The following FMN1 variants were observed in gnomAD, a reference collection of about 807,000 sequenced individuals.
The protein encoded by FMN1 is formin-1.
A neutral mutation model predicts 132.4 loss-of-function variants in FMN1; 110 were observed. The observed-to-expected ratio is 0.83, with a 90% CI of 0.71 to 0.97. The LOEUF is 0.97. Ranked by LOEUF, FMN1 falls within the 50% of genes least tolerant of loss-of-function variation. The probability of loss-of-function intolerance (pLI) is 0.00; values close to 1 mark genes in which losing one functional copy is unlikely to be tolerated. For synonymous variants in FMN1, 722 were observed against 651.7 expected (o/e 1.11, Z -1.64); for missense variants, 1,792 against 1,705.3 (o/e 1.05, Z -0.90).
chr15:33,129,690 A>G (rs777157843), intron 4 of FMN1, among the ~76,000 whole-genome samples: 5 of 152,086 alleles, frequency 3.3e-5, no homozygotes, highest in Non-Finnish European at 5.9e-5. Context: ...GAGCCAAGAT[A>G]TGGACCCAGG....
chr15:32,777,775 T>C (rs866436248), intron 19 of FMN1, among the ~76,000 whole-genome samples: 1 of 132,244 alleles, frequency 7.6e-6, no homozygotes, highest in African/African-American at 2.9e-5. Context: ...TTATATACTA[T>C]GTATAATACA....
rs1491354596 is a variant in FMN1, at chr15:32,785,219, T to TATA, written c.4131-8301_4131-8300insTAT. On this transcript the variant is annotated intron_variant, in intron 19 of 20. Coordinates refer to ENST00000616417, the MANE Select transcript of FMN1 (RefSeq NM_001277313.2). ...GTGTGTGTATATATATATATATATA[T>TATA]TTTTTTTTTTTTTTTTTTGTAGAGA... is the stretch of plus-strand genomic sequence containing the variant. Among the ~76,000 whole-genome samples, 78 of 12,188 alleles carry TATA rather than the reference T, an allele frequency of 6.4e-3. 3 individuals are homozygous for TATA. The highest frequency in any genetic ancestry group is 0.01 in the African/African-American group (47 of 4,622). The allele number at this position is 12,188 out of a possible 152,430, so 8.0% of individuals were successfully genotyped here. A position where few individuals can be genotyped will look rare whatever the true frequency, so the allele number is the denominator to read the frequency against.
At chr15:32,779,117 A>G (rs1010773191) in intron 19 of FMN1, among the ~76,000 whole-genome samples, 6 of 152,206 alleles carry the variant, frequency 3.9e-5, no homozygotes, top group Admixed American at 3.3e-4. Flanking sequence ...ATCCATACAG[A>G]AAGTAGGTTA....
At chr15:32,929,853 T>C (rs1400236560) in intron 9 of FMN1, among the ~76,000 whole-genome samples, 1 of 152,046 alleles carries the variant, frequency 6.6e-6, no homozygotes, top group Non-Finnish European at 1.5e-5. Flanking sequence ...GACATTTAGG[T>C]TGTCTCCATC....
At chr15:32,991,464 AG>A (rs2033429813) in intron 7 of FMN1, among the ~76,000 whole-genome samples, 2 of 152,172 alleles carry the variant, frequency 1.3e-5, no homozygotes, top group Non-Finnish European at 1.5e-5. Context: ...TGAAGGTAGG[AG>A]CCCCAAATTC....
chr15:32,807,179 T>C (rs894941185), intron 17 of FMN1, among the ~76,000 whole-genome samples: 1 of 152,238 alleles, frequency 6.6e-6, no homozygotes, highest in Admixed American at 6.5e-5. Context: ...CTAAAGAAGA[T>C]TGAGAGGCTA....
chr15:33,157,236 G>C (rs1048334381), intron 3 of FMN1, among the ~76,000 whole-genome samples: 17 of 145,032 alleles, frequency 1.2e-4, no homozygotes, highest in African/African-American at 4.4e-4. Flanking sequence ...CTGCACTCCA[G>C]CCTGGTGACA....
chr15:32,962,364 C>T lies in FMN1; in HGVS notation c.3138+1743G>A, dbSNP rs374858272. ...ATTCAAGATGGATTAAAGACTTAAA[C>T]GTTAGACCTAAAACCATAAAAACCC... is the stretch of plus-strand genomic sequence containing the variant. On this transcript the variant is annotated intron_variant, in intron 9 of 20. Transcript: ENST00000616417. Among the ~76,000 whole-genome samples the T allele has an allele frequency of 2.4e-3, 361 of 152,074 alleles. 3 individuals carry two copies. Among genetic ancestry groups the T allele is most frequent in the African/African-American group, 7.4e-3 (306 of 41,442 alleles).
intron 5 of FMN1, chr15:33,066,819 T>C (rs1479831819): frequency 6.2e-7 from 1 of 1,613,764 alleles, no homozygotes; most frequent in African/African-American, 1.3e-5. Flanking sequence ...TTCGGTTCAG[T>C]TTTGGGCATG....
At chr15:33,075,054 A>ACCTTGAG (rs1333848760) in intron 5 of FMN1, among the ~76,000 whole-genome samples, 1 of 145,392 alleles carries the variant, frequency 6.9e-6, no homozygotes, top group Non-Finnish European at 1.5e-5. Flanking sequence ...AAAAGAACAG[A>ACCTTGAG]CCTTGAGTCC....
At chr15:33,102,772 A>G (rs562539596) in intron 4 of FMN1, among the ~76,000 whole-genome samples, 16 of 152,134 alleles carry the variant, frequency 1.1e-4, no homozygotes, top group Admixed American at 3.9e-4. Flanking sequence ...ATTGACTGAC[A>G]TTGGTTTTAT....
intron 17 of FMN1, among the ~76,000 whole-genome samples, chr15:32,805,020 A>G (rs1322177200): frequency 6.6e-6 from 1 of 152,204 alleles, no homozygotes; most frequent in Non-Finnish European, 1.5e-5. Flanking sequence ...CTTTGGGTAT[A>G]TATCCAGTAA....
chr15:32,821,142 C>T (rs1474845494), intron 17 of FMN1, among the ~76,000 whole-genome samples: 1 of 135,498 alleles, frequency 7.4e-6, no homozygotes, highest in Non-Finnish European at 1.6e-5. Context: ...ATCAGATTTT[C>T]TAAGAGATAA....
chr15:33,081,916 C>A (rs1444361959), intron 5 of FMN1, among the ~76,000 whole-genome samples: 1 of 152,100 alleles, frequency 6.6e-6, no homozygotes, highest in Non-Finnish European at 1.5e-5. Flanking sequence ...GCTTTGTCTT[C>A]CCCAGACAAT....
In FMN1 at chr15:32,771,053, C is replaced by T. The variant is rs2056220414; in HGVS notation, c.*3257G>A. ...GAGATAAAAGCCATACAGCACACCT[C>T]CTAACCTGGTTTTTGATACTTCATG... is the stretch of plus-strand genomic sequence containing the variant. On this transcript the variant is annotated 3_prime_UTR_variant, in exon 21 of 21. Transcript: ENST00000616417. 1 of 151,458 alleles carries T rather than the reference C, an allele frequency of 6.6e-6. No individual in the cohort carries two copies. 9.4% of individuals were successfully genotyped at this position (151,458 alleles called of 1,614,324 possible). A position where few individuals can be genotyped will look rare whatever the true frequency, so the allele number is the denominator to read the frequency against.
chr15:33,173,873 G>A (rs916583920), intron 3 of FMN1, among the ~76,000 whole-genome samples: 1 of 152,108 alleles, frequency 6.6e-6, no homozygotes, highest in Admixed American at 6.5e-5. Flanking sequence ...AGGTTGCAGT[G>A]AGCCGAAATT....
intron 7 of FMN1, among the ~76,000 whole-genome samples, chr15:32,975,662 A>G (rs2032146342): frequency 6.6e-6 from 1 of 152,172 alleles, no homozygotes; most frequent in Non-Finnish European, 1.5e-5. Context: ...TATTTCTAAA[A>G]GTTGATGTTG....
At chr15:32,974,949 C>G (rs2032084895) in intron 7 of FMN1, among the ~76,000 whole-genome samples, 1 of 152,200 alleles carries the variant, frequency 6.6e-6, no homozygotes, top group Non-Finnish European at 1.5e-5. Context: ...TTCCATGATA[C>G]TCATGGCTCT....
At chr15:33,112,877 A>G (rs1364202294) in intron 4 of FMN1, among the ~76,000 whole-genome samples, 1 of 152,218 alleles carries the variant, frequency 6.6e-6, no homozygotes, top group Non-Finnish European at 1.5e-5. Flanking sequence ...TACTGGGTTT[A>G]TATCGTCAGA....
Sources: allele counts gnomAD v4.1 joint callset (sites outside exome capture counted in the v4.1 genomes callset), GRCh38; gene constraint gnomAD v4.1.1; transcripts MANE v1.5; gene names NCBI Gene and HGNC (gene_info 2026-07-23, HGNC 2026-07-21).